GRM8: variants seen among roughly 807,000 people sequenced by gnomAD.
GRM8 encodes the protein glutamate metabotropic receptor 8.
GRM8 carries 47 observed loss-of-function variants against 87.2 expected under a neutral mutation model. That is an observed-to-expected ratio of 0.54 (90% confidence interval 0.43 to 0.69). GRM8 has a LOEUF of 0.69. Among genes scored for constraint, GRM8 ranks in the 30% least tolerant of loss-of-function variants. GRM8 has a pLI of 0.00. For missense variants in GRM8, 1,019 were observed against 1,139.2 expected (o/e 0.89, Z 1.52); for synonymous variants, 396 against 404.5 (o/e 0.98, Z 0.25).
chr7:126,499,833 A>G (rs139997880), intron 9 of GRM8, among the ~76,000 whole-genome samples: 3 of 152,030 alleles, frequency 2.0e-5, no homozygotes, highest in African/African-American at 7.2e-5. Context: ...ATGTTGGTCA[A>G]TTAGATTGGA....
At chr7:126,623,855 A>G (rs963053169) in intron 7 of GRM8, among the ~76,000 whole-genome samples, 2 of 152,160 alleles carry the variant, frequency 1.3e-5, no homozygotes, top group Non-Finnish European at 2.9e-5. Context: ...AGTTGGGAGG[A>G]TGGCTTGAGC....
At chr7:126,917,800 C>T (rs1454778764) in intron 3 of GRM8, among the ~76,000 whole-genome samples, 1 of 152,186 alleles carries the variant, frequency 6.6e-6, no homozygotes, top group Non-Finnish European at 1.5e-5. Flanking sequence ...CAAAGTTTTA[C>T]ATCATCAAGG....
intron 9 of GRM8, among the ~76,000 whole-genome samples, chr7:126,480,330 A>G (rs7796030): frequency 0.31 from 46,906 of 152,046 alleles, 8,083 homozygotes; most frequent in Non-Finnish European, 0.37. Context: ...GTTGAGGTGA[A>G]CTGAAATTGT....
At chr7:127,111,530 C>T (rs1826350199) in intron 2 of GRM8, among the ~76,000 whole-genome samples, 1 of 152,102 alleles carries the variant, frequency 6.6e-6, no homozygotes, top group Admixed American at 6.6e-5. Flanking sequence ...CTCTTTCTTG[C>T]TGGCTAGAAT....
rs1240866641 is a variant in GRM8 at position 126,446,190 on chromosome 7, T to C, written c.2613A>G (p.Gln871=). The C allele has an allele frequency of 3.7e-6, 6 of 1,613,028 alleles. No homozygotes were observed. In the African/African-American group the frequency reaches 8.0e-5, roughly 22 times the overall value. Residue 871 remains glutamine, a synonymous_variant, in exon 10 of 11, where the codon CAA becomes CAG. Transcript: ENST00000339582. ...TAATMQSKLI[Q]KGNDRPNGEV... is the part of the protein sequence containing the mutation. ...CGCCATTTGGTCTGTCATTTCCTTT[T>C]TGGATCAGTTTGCTTTGCATGGTGG... is the stretch of plus-strand genomic sequence containing the variant.
At chr7:127,195,564 A>G (rs1339526272) in intron 2 of GRM8, among the ~76,000 whole-genome samples, 18 of 152,264 alleles carry the variant, frequency 1.2e-4, no homozygotes, top group Middle Eastern at 3.4e-3. Context: ...AAAGTACTCA[A>G]TGTGGCCAGT....
chr7:127,087,685 G>A (rs1031840767), intron 3 of GRM8, among the ~76,000 whole-genome samples: 7 of 152,126 alleles, frequency 4.6e-5, no homozygotes, highest in Admixed American at 2.0e-4. Flanking sequence ...GCTGTACAAC[G>A]CTGCACCCAC....
At chr7:126,553,472 T>G (rs909541138) in intron 8 of GRM8, among the ~76,000 whole-genome samples, 1 of 152,206 alleles carries the variant, frequency 6.6e-6, no homozygotes, top group Non-Finnish European at 1.5e-5. Context: ...TGACCTTGTC[T>G]TCTCCAAAAC....
intron 8 of GRM8, among the ~76,000 whole-genome samples, chr7:126,556,654 A>G (rs1793179060): frequency 6.6e-6 from 1 of 152,200 alleles, no homozygotes. Context: ...CTTGAAAAAA[A>G]GAAAAAAATG....
At chr7:126,910,852 G>A (rs2131289373) in intron 3 of GRM8, among the ~76,000 whole-genome samples, 1 of 152,278 alleles carries the variant, frequency 6.6e-6, no homozygotes, top group East Asian at 1.9e-4. Flanking sequence ...CTAGTGCATA[G>A]AGATGGTGGA....
At chr7:126,657,069 G>C (rs995979401) in intron 7 of GRM8, among the ~76,000 whole-genome samples, 5 of 152,160 alleles carry the variant, frequency 3.3e-5, no homozygotes, top group African/African-American at 9.7e-5. Flanking sequence ...TATTCTTCAA[G>C]AGAAATCCAT....
chr7:126,643,512 G>A (rs1802709256), intron 7 of GRM8, among the ~76,000 whole-genome samples: 1 of 139,550 alleles, frequency 7.2e-6, no homozygotes, highest in Non-Finnish European at 1.6e-5. Context: ...CCATGTATAT[G>A]TATAGCTATT....
At chr7:126,550,272 G>A (rs1362110471) in intron 8 of GRM8, among the ~76,000 whole-genome samples, 1 of 151,712 alleles carries the variant, frequency 6.6e-6, no homozygotes, top group African/African-American at 2.4e-5. Context: ...ACGCCACCAC[G>A]CCTGGCTAAT....
At chr7:127,115,315 A>G (rs1444058650) in intron 2 of GRM8, among the ~76,000 whole-genome samples, 1 of 152,146 alleles carries the variant, frequency 6.6e-6, no homozygotes, top group African/African-American at 2.4e-5. Context: ...CATGTGAACT[A>G]AATGTATGGA....
intron 9 of GRM8, among the ~76,000 whole-genome samples, chr7:126,505,451 G>A (rs1358414331): frequency 2.0e-5 from 3 of 152,050 alleles, no homozygotes; most frequent in African/African-American, 7.2e-5. Flanking sequence ...ATTCAGACAA[G>A]TGGTGGCCAG....
chr7:126,695,589 C>G (rs764216236), intron 7 of GRM8, among the ~76,000 whole-genome samples: 12 of 152,134 alleles, frequency 7.9e-5, no homozygotes, highest in Non-Finnish European at 1.3e-4. Context: ...AACCTATTTA[C>G]CTCCCTGCAA....
intron 3 of GRM8, among the ~76,000 whole-genome samples, chr7:127,071,056 G>A (rs1031215165): frequency 3.9e-5 from 6 of 152,114 alleles, no homozygotes; most frequent in South Asian, 4.2e-4. Flanking sequence ...GTCTGCAAAC[G>A]GCATTTTCTG....
chr7:126,645,543 G>A (rs889610415), intron 7 of GRM8, among the ~76,000 whole-genome samples: 1 of 152,192 alleles, frequency 6.6e-6, no homozygotes, highest in South Asian at 2.1e-4. Flanking sequence ...TTGAGTGATA[G>A]CTCCAGTTCT....
chr7:127,159,802 T>C (rs1302334733), intron 2 of GRM8, among the ~76,000 whole-genome samples: 1 of 151,766 alleles, frequency 6.6e-6, no homozygotes, highest in African/African-American at 2.4e-5. Flanking sequence ...GACTTGGTTT[T>C]TATTAAATTA....
Sources: gnomAD v4.1 joint callset for allele counts (sites outside exome capture counted in the v4.1 genomes callset) on GRCh38, gnomAD v4.1.1 for gene constraint, MANE v1.5 for transcripts, NCBI Gene and HGNC (gene_info 2026-07-23, HGNC 2026-07-21) for gene names.